OLA1: variants seen among roughly 807,000 people sequenced by gnomAD.
The protein encoded by OLA1 is Obg like ATPase 1, also known as obg-like ATPase 1.
Under a neutral mutation model 48.4 loss-of-function variants are expected in OLA1, and 14 were observed. The ratio of observed to expected loss-of-function variants is 0.29; its 90% CI spans 0.19 to 0.45. The LOEUF is 0.45. Among genes scored for constraint, OLA1 ranks in the 20% least tolerant of loss-of-function variants. The probability of loss-of-function intolerance (pLI) is 1.00; values close to 1 mark genes in which losing one functional copy is unlikely to be tolerated. For missense variants in OLA1, 325 were observed against 467.1 expected (o/e 0.70, Z 2.80); for synonymous variants, 127 against 150.4 (o/e 0.84, Z 1.14).
chr2:174,111,966 T>C (rs748690383), intron 7 of OLA1, among the ~76,000 whole-genome samples: 61 of 152,186 alleles, frequency 4.0e-4, no homozygotes, highest in Non-Finnish European at 5.7e-4. Flanking sequence ...TAGAGAGAAG[T>C]CCATACAATT....
chr2:174,244,684 C>T (rs988897361), intron 2 of OLA1, among the ~76,000 whole-genome samples: 4 of 151,272 alleles, frequency 2.6e-5, no homozygotes, highest in Non-Finnish European at 5.9e-5. Context: ...GGTGCAGTGG[C>T]GGGACCTTGG....
intron 7 of OLA1, among the ~76,000 whole-genome samples, chr2:174,120,342 A>G (rs1304042423): frequency 6.6e-6 from 1 of 152,190 alleles, no homozygotes; most frequent in Non-Finnish European, 1.5e-5. Context: ...TATAAGTAAC[A>G]GCTGATCGTG....
intron 4 of OLA1, among the ~76,000 whole-genome samples, chr2:174,155,507 GCAAA>G (rs1263730225): frequency 6.6e-6 from 1 of 152,106 alleles, no homozygotes; most frequent in Non-Finnish European, 1.5e-5. Context: ...ATAAAACATG[GCAAA>G]CTACAGACTG....
At chr2:174,206,555 T>C (rs189203919) in intron 4 of OLA1, among the ~76,000 whole-genome samples, 95 of 152,158 alleles carry the variant, frequency 6.2e-4, no homozygotes, top group African/African-American at 2.1e-3. Context: ...TCAGAAAAGA[T>C]ATTCCAGAAA....
At chr2:174,109,094 C>T (rs765440076) in intron 7 of OLA1, among the ~76,000 whole-genome samples, 1 of 152,110 alleles carries the variant, frequency 6.6e-6, no homozygotes, top group Non-Finnish European at 1.5e-5. Flanking sequence ...AGGGAAATAA[C>T]TATAAAATAG....
intron 4 of OLA1, among the ~76,000 whole-genome samples, chr2:174,151,953 A>G (rs1686758194): frequency 6.6e-6 from 1 of 152,226 alleles, no homozygotes; most frequent in Non-Finnish European, 1.5e-5. Context: ...TTACAGAAAC[A>G]CTTTAAAACT....
chr2:174,169,768 G>T (rs145141692), intron 4 of OLA1, among the ~76,000 whole-genome samples: 1 of 152,086 alleles, frequency 6.6e-6, no homozygotes, highest in Non-Finnish European at 1.5e-5. Context: ...AAGTGCAAAA[G>T]GCTTTTTGTT....
chr2:174,092,167 A>AAGGAG (rs1333847296), intron 7 of OLA1, among the ~76,000 whole-genome samples: 6 of 151,392 alleles, frequency 4.0e-5, no homozygotes, highest in Non-Finnish European at 8.8e-5. Context: ...GAAAAAAGGA[A>AAGGAG]AGGAGAGGAG....
chr2:174,203,776 T>C (rs144366564), intron 4 of OLA1, among the ~76,000 whole-genome samples: 16 of 151,294 alleles, frequency 1.1e-4, no homozygotes, highest in African/African-American at 2.9e-4. Context: ...ATTTTATATT[T>C]ACAGTTGGTT....
At chr2:174,208,480 C>T (rs1462627864) in intron 4 of OLA1, among the ~76,000 whole-genome samples, 1 of 152,160 alleles carries the variant, frequency 6.6e-6, no homozygotes, top group South Asian at 2.1e-4. Context: ...TCATGACTCT[C>T]TTCCTCTCAC....
At chr2:174,206,055 A>G (rs74389320) in intron 4 of OLA1, among the ~76,000 whole-genome samples, 2 of 152,330 alleles carry the variant, frequency 1.3e-5, no homozygotes, top group African/African-American at 4.8e-5. Flanking sequence ...ATCAATGTAA[A>G]ATTTGAAAAA....
intron 2 of OLA1, among the ~76,000 whole-genome samples, chr2:174,245,360 A>C (rs1689102876): frequency 6.6e-6 from 1 of 152,224 alleles, no homozygotes; most frequent in Non-Finnish European, 1.5e-5. Context: ...CTCATGTTTT[A>C]CATTACATGA....
intron 1 of OLA1, chr2:174,248,024 G>C: frequency 2.5e-6 from 1 of 394,412 alleles, no homozygotes; most frequent in Non-Finnish European, 4.6e-6. Context: ...TCCAGCCTCT[G>C]ATCCCTGACC....
chr2:174,199,972 C>A (rs1574546194), intron 4 of OLA1, among the ~76,000 whole-genome samples: 1 of 151,910 alleles, frequency 6.6e-6, no homozygotes, highest in Admixed American at 6.6e-5. Flanking sequence ...CAGCTGTCCT[C>A]TCTTATGCTG....
At chr2:174,225,498 G>C (rs1310992867) in intron 3 of OLA1, among the ~76,000 whole-genome samples, 1 of 152,090 alleles carries the variant, frequency 6.6e-6, no homozygotes, top group East Asian at 1.9e-4. Flanking sequence ...GCAGTGAGCT[G>C]AGATCGCGCC....
At chr2:174,091,883 A>AAAAAAAAAAAAAAAAAAAAC (rs1685122280) in intron 7 of OLA1, among the ~76,000 whole-genome samples, 1 of 109,224 alleles carries the variant, frequency 9.2e-6, no homozygotes, top group Non-Finnish European at 1.7e-5. Flanking sequence ...AAAAAAAAAA[A>AAAAAAAAAAAAAAAAAAAAC]AAAAAAAAAA....
At chr2:174,094,271 T>A (rs190722633) in intron 7 of OLA1, among the ~76,000 whole-genome samples, 18 of 152,222 alleles carry the variant, frequency 1.2e-4, no homozygotes, top group Admixed American at 1.2e-3. Context: ...AGACAAAGCA[T>A]CACTGAAAGA....
chr2:174,217,978 G>A (rs112357172), intron 4 of OLA1: 3 of 152,034 alleles, frequency 2.0e-5, no homozygotes, highest in African/African-American at 7.2e-5. Flanking sequence ...AGATTATTAG[G>A]TCATTCTTGA....
intron 7 of OLA1, among the ~76,000 whole-genome samples, chr2:174,111,871 C>A (rs140047706): frequency 7.9e-5 from 12 of 152,096 alleles, no homozygotes; most frequent in African/African-American, 2.7e-4. Context: ...AGAAAAGTAG[C>A]AATAATATGT....
Sources: gnomAD v4.1 joint callset for allele counts (sites outside exome capture counted in the v4.1 genomes callset) on GRCh38, gnomAD v4.1.1 for gene constraint, MANE v1.5 for transcripts, NCBI Gene and HGNC (gene_info 2026-07-23, HGNC 2026-07-21) for gene names.